The following MSH4 variants were observed in gnomAD, a reference collection of about 807,000 sequenced individuals.
The protein encoded by MSH4 is mutS homolog 4.
MSH4 carries 106 observed loss-of-function variants against 113.7 expected under a neutral mutation model. The ratio of observed to expected loss-of-function variants is 0.93; its 90% CI spans 0.80 to 1.10. The LOEUF is 1.10. Among genes scored for constraint, MSH4 ranks in the 50% least tolerant of loss-of-function variants. The pLI is 0.00. For missense variants in MSH4, 1,061 were observed against 1,093.7 expected, an observed-to-expected ratio of 0.97 and a Z score of 0.42; for synonymous variants, 368 against 380.2, an observed-to-expected ratio of 0.97 and a Z score of 0.37.
intron 7 of MSH4, among the ~76,000 whole-genome samples, chr1:75,840,759 T>C (rs1261501064): frequency 2.6e-5 from 4 of 152,116 alleles, no homozygotes; most frequent in African/African-American, 7.2e-5. Flanking sequence ...AGGCATTCTA[T>C]AAGTGTTAGG....
intron 19 of MSH4, among the ~76,000 whole-genome samples, chr1:75,903,013 AT>A (rs201303387): frequency 1.9e-3 from 278 of 144,994 alleles, no homozygotes; most frequent in Middle Eastern, 7.1e-3. Context: ...CACTTTGTTA[AT>A]TTTTTTTTTT....
At chr1:75,886,934 C>G (rs1652138036) in intron 15 of MSH4, among the ~76,000 whole-genome samples, 1 of 150,718 alleles carries the variant, frequency 6.6e-6, no homozygotes, top group East Asian at 1.9e-4. Context: ...GTTCTGCTCT[C>G]TGAGGGCAGG....
intron 7 of MSH4, among the ~76,000 whole-genome samples, chr1:75,834,409 A>T (rs1360273942): frequency 1.3e-5 from 2 of 152,232 alleles, no homozygotes; most frequent in East Asian, 3.9e-4. Flanking sequence ...ATACCATTTG[A>T]CCGAGCCATC....
intron 2 of MSH4, among the ~76,000 whole-genome samples, chr1:75,806,246 T>G (rs1319903014): frequency 8.0e-6 from 1 of 124,310 alleles, no homozygotes; most frequent in African/African-American, 3.1e-5. Context: ...TTTTTTTTTT[T>G]TTTTTTTTTT....
intron 8 of MSH4, among the ~76,000 whole-genome samples, chr1:75,862,328 C>T (rs1187692643): frequency 6.6e-6 from 1 of 152,158 alleles, no homozygotes; most frequent in African/African-American, 2.4e-5. Context: ...GAATCAGGTA[C>T]CTCAGTTGGA....
rs5745508 is a variant in MSH4 at position 75,891,486 on chromosome 1, C to T, written c.2355+662C>T. ...ATTTATTTTTTGAGACAGGGTCTCA[C>T]TCTGTTGCCCATGCTGGAGTGCAGT... is the stretch of plus-strand genomic sequence containing the variant. On this transcript the variant is annotated intron_variant, in intron 17 of 19. Coordinates refer to ENST00000263187, the MANE Select transcript of MSH4 (RefSeq NM_002440.4). Among the ~76,000 whole-genome samples the T allele has an allele frequency of 3.9e-5, 6 of 152,240 alleles. No homozygotes were observed. The South Asian group carries it at 1.2e-3, about 32-fold the overall frequency.
intron 19 of MSH4, among the ~76,000 whole-genome samples, chr1:75,900,785 A>G (rs1424835992): frequency 1.3e-5 from 2 of 152,004 alleles, no homozygotes; most frequent in Non-Finnish European, 1.5e-5. Flanking sequence ...CTAATTATCT[A>G]TTTGAATCTC....
At chr1:75,884,561 T>A (rs1227790359) in intron 15 of MSH4, among the ~76,000 whole-genome samples, 2 of 151,620 alleles carry the variant, frequency 1.3e-5, no homozygotes, top group Non-Finnish European at 2.9e-5. Context: ...GAGTGTAGAG[T>A]CCAGGAATGC....
chr1:75,839,968 G>C (rs5745385), intron 7 of MSH4, among the ~76,000 whole-genome samples: 32,837 of 139,878 alleles, frequency 0.23, 4,614 homozygotes, highest in East Asian at 0.64. Context: ...ACCACAATGA[G>C]ATACCATCTC....
intron 8 of MSH4, among the ~76,000 whole-genome samples, chr1:75,850,261 AC>A (rs760595256): frequency 3.3e-5 from 5 of 151,952 alleles, no homozygotes; most frequent in African/African-American, 4.8e-5. Context: ...TGATTTGAGA[AC>A]TTTTTTCCTT....
intron 17 of MSH4, among the ~76,000 whole-genome samples, chr1:75,894,655 T>C (rs1652332631): frequency 6.6e-6 from 1 of 152,218 alleles, no homozygotes; most frequent in Non-Finnish European, 1.5e-5. Context: ...GAATATCTTA[T>C]CTGCCATTAT....
At chr1:75,859,617 T>A (rs1273419908) in intron 8 of MSH4, among the ~76,000 whole-genome samples, 1 of 152,220 alleles carries the variant, frequency 6.6e-6, no homozygotes, top group South Asian at 2.1e-4. Context: ...TGCACTGTGG[T>A]CTGAGAGGCA....
chr1:75,858,800 T>C (rs576716778), intron 8 of MSH4, among the ~76,000 whole-genome samples: 1 of 152,302 alleles, frequency 6.6e-6, no homozygotes, highest in African/African-American at 2.4e-5. Flanking sequence ...TAAAGAGAAT[T>C]CCCTCTTTTT....
intron 9 of MSH4, among the ~76,000 whole-genome samples, chr1:75,870,001 C>T (rs138793142): frequency 1.9e-3 from 295 of 152,302 alleles, no homozygotes; most frequent in African/African-American, 6.7e-3. Context: ...AAAGCAGCTG[C>T]AGGGTTCAGG....
At chr1:75,863,601 G>A (rs968956824) in intron 8 of MSH4, among the ~76,000 whole-genome samples, 17 of 151,842 alleles carry the variant, frequency 1.1e-4, no homozygotes, top group African/African-American at 3.4e-4. Context: ...ACAAATCTTC[G>A]CCTCACCACT....
At chr1:75,810,143 TTAG>T (rs1650155858) in intron 3 of MSH4, among the ~76,000 whole-genome samples, 1 of 152,066 alleles carries the variant, frequency 6.6e-6, no homozygotes, top group Non-Finnish European at 1.5e-5. Context: ...GTATTTTATG[TTAG>T]TAGTTATATA....
At chr1:75,836,302 C>CTTT (rs71071968) in intron 7 of MSH4, among the ~76,000 whole-genome samples, 24,476 of 135,804 alleles carry the variant, frequency 0.18, 2,603 homozygotes, top group East Asian at 0.27. Context: ...CTTTCTTTTT[C>CTTT]TTTTTTTTTT....
At position 75,899,737 on chromosome 1, in the gene MSH4, A is replaced by G. The variant is rs1379324024; in HGVS notation, c.2619+31A>G. 3 of 1,255,202 alleles carry G rather than the reference A, an allele frequency of 2.4e-6. No homozygotes were observed. The African/African-American group carries it at 4.7e-5, about 20-fold the overall frequency. 77.8% of individuals were successfully genotyped at this position (1,255,202 alleles called of 1,614,324 possible). A position where few individuals can be genotyped will look rare whatever the true frequency, so the allele number is the denominator to read the frequency against. ...AAACTTTGTTCTTATTTGTTCTTCA[A>G]ATTAAAAAAAATACTTTTAGTGTAG... On this transcript the variant is annotated intron_variant, in intron 19 of 19. Coordinates refer to ENST00000263187, the MANE Select transcript of MSH4 (RefSeq NM_002440.4).
Position 75,848,292 on chromosome 1 carries a change from C to T in MSH4, c.1230+16C>T. On this transcript the variant is annotated intron_variant, in intron 8 of 19. Transcript: ENST00000263187. Reference sequence around the variant, plus strand: ...GCAAGACACGGTATGTTTTTGTATACATTTTGTATTATATTATTATACATT... The same window carrying T: ...GCAAGACACGGTATGTTTTTGTATATATTTTGTATTATATTATTATACATT... 6.6e-7 allele frequency: 1 copy of T among 1,517,324 alleles called. No homozygotes were observed. The highest frequency in any genetic ancestry group is 9.1e-7 in the Non-Finnish European group (1 of 1,096,120). The allele number at this position is 1,517,324 out of a possible 1,614,324, so 94.0% of individuals were successfully genotyped here.
Sources: allele counts gnomAD v4.1 joint callset (sites outside exome capture counted in the v4.1 genomes callset), GRCh38; gene constraint gnomAD v4.1.1; transcripts MANE v1.5; gene names NCBI Gene and HGNC (gene_info 2026-07-23, HGNC 2026-07-21).